Variants in NOL10 observed in about 807,000 individuals in gnomAD.
NOL10 encodes the protein nucleolar protein 10.
A neutral mutation model predicts 103.5 loss-of-function variants in NOL10; 58 were observed. The observed-to-expected ratio is 0.56, with a 90% CI of 0.45 to 0.70. NOL10 has a LOEUF of 0.70. Among genes scored for constraint, NOL10 ranks in the 30% least tolerant of loss-of-function variants. NOL10 has a pLI of 0.00. For synonymous variants in NOL10, 287 were observed against 282.5 expected (o/e 1.02, Z -0.16); for missense variants, 763 against 807.3 (o/e 0.95, Z 0.67).
chr2:10,603,187 T>G, intron 14 of NOL10, 30 bp from the exon 15 acceptor site: 1 of 1,518,952 alleles, frequency 6.6e-7, no homozygotes. Flanking sequence ...AGACAGCAGG[T>G]CCTTATGCAA....
intron 13 of NOL10, among the ~76,000 whole-genome samples, chr2:10,635,509 T>C (rs7587282): frequency 0.033 from 5,021 of 152,142 alleles, 289 homozygotes; most frequent in African/African-American, 0.12. Context: ...AATCTATATA[T>C]AATATCTACA....
chr2:10,586,200 T>C (rs1416519585), intron 19 of NOL10, among the ~76,000 whole-genome samples: 2 of 152,242 alleles, frequency 1.3e-5, no homozygotes, highest in Non-Finnish European at 2.9e-5. Flanking sequence ...ATTAAGGTGA[T>C]AGTTCCAGAA....
rs958537946 is a variant in NOL10 at position 10,653,622 on chromosome 2, G to A, written c.973+859C>T. Among the ~76,000 whole-genome samples the A allele has an allele frequency of 2.6e-5, 4 of 152,030 alleles. No homozygotes were observed. The East Asian group carries it at 5.8e-4, about 22-fold the overall frequency. Reference sequence around the variant, plus strand: ...TGCCTCCCACTTCAGCCTTCCCAGAGCCACCACAGCTCAGGCACAGGACAC... The same window carrying A: ...TGCCTCCCACTTCAGCCTTCCCAGAACCACCACAGCTCAGGCACAGGACAC... On this transcript the variant is annotated intron_variant, in intron 12 of 20. Coordinates refer to ENST00000381685, the MANE Select transcript of NOL10 (RefSeq NM_024894.4).
chr2:10,612,398 G>A (rs996613204), intron 13 of NOL10, among the ~76,000 whole-genome samples: 4 of 152,136 alleles, frequency 2.6e-5, no homozygotes, highest in Non-Finnish European at 5.9e-5. Flanking sequence ...ATGCTACTGA[G>A]TATGACAAAG....
chr2:10,579,827 T>C (rs1448768373), intron 19 of NOL10, among the ~76,000 whole-genome samples: 2 of 152,142 alleles, frequency 1.3e-5, no homozygotes, highest in African/African-American at 2.4e-5. Context: ...ATGGAACCAC[T>C]GAGAGAAGAT....
chr2:10,638,293 A>ATAACGTAACG (rs756403082), intron 13 of NOL10, among the ~76,000 whole-genome samples: 9 of 130,854 alleles, frequency 6.9e-5, no homozygotes, highest in African/African-American at 2.4e-4. Context: ...TCATTCAAAA[A>ATAACGTAACG]TAACGTAACG....
chr2:10,685,548 C>G (rs1293968582), intron 1 of NOL10, among the ~76,000 whole-genome samples: 2 of 135,850 alleles, frequency 1.5e-5, no homozygotes, highest in South Asian at 2.3e-4. Flanking sequence ...CACTAGAAAA[C>G]TAACGAAAAT....
chr2:10,638,335 A>AACGTAACGTAACGTGACGTG (rs1678435932), intron 13 of NOL10, among the ~76,000 whole-genome samples: 1 of 119,294 alleles, frequency 8.4e-6, no homozygotes, highest in Non-Finnish European at 1.7e-5. Context: ...GACGTGACGT[A>AACGTAACGTAACGTGACGTG]ACGTAACGTA....
At chr2:10,643,879 T>G (rs1678879984) in intron 13 of NOL10, among the ~76,000 whole-genome samples, 1 of 152,198 alleles carries the variant, frequency 6.6e-6, no homozygotes, top group African/African-American at 2.4e-5. Flanking sequence ...GAAAGCAAAT[T>G]CAACCCAAAA....
chr2:10,657,707 T>TA, intron 11 of NOL10, 35 bp downstream of exon 11: 1 of 1,532,358 alleles, frequency 6.5e-7, no homozygotes, highest in Non-Finnish European at 8.8e-7. Context: ...CACCTGCAAA[T>TA]AAAGAAGCAA....
At position 10,649,166 on chromosome 2, in the gene NOL10, C is replaced by T. The variant is rs183502294; in HGVS notation, c.974-4794G>A. On this transcript the variant is annotated intron_variant, in intron 12 of 20. Coordinates refer to ENST00000381685, the MANE Select transcript of NOL10 (RefSeq NM_024894.4). ...TGCCACCATGTCTGCAGCTGGCTTT[C>T]GAGTGATTCCACAAAGAAACCACAA... 1.7e-4 allele frequency among the ~76,000 whole-genome samples: 26 copies of T among 151,992 alleles called. No individual in the cohort carries two copies. In the East Asian group the frequency reaches 1.9e-3, roughly 11 times the overall value.
chr2:10,596,092 T>G (rs1244576283), intron 17 of NOL10, among the ~76,000 whole-genome samples: 3 of 152,100 alleles, frequency 2.0e-5, no homozygotes, highest in African/African-American at 7.2e-5. Context: ...GATGAGGTAT[T>G]ACTTTAATAT....
Position 10,588,939 on chromosome 2 carries a change from T to G in NOL10, c.1844+104A>C, listed in dbSNP as rs962750220. On this transcript the variant is annotated intron_variant, in intron 19 of 20. Transcript: ENST00000381685. The stretch of plus-strand genomic sequence containing the variant: ...CCTCGTCCCCTCCACCCTCTGCACC[T>G]CCATCATCCAAAGACAGAAATGTCA... 15 of 1,497,396 alleles carry G rather than the reference T, an allele frequency of 1.0e-5. No individual in the cohort carries two copies. The East Asian group carries it at 2.9e-4, about 29-fold the overall frequency. The allele number at this position is 1,497,396 out of a possible 1,614,324, so 92.8% of individuals were successfully genotyped here.
rs1276792862 is a variant in NOL10 at position 10,623,310 on chromosome 2, G to A, written c.1027-15999C>T. Among the ~76,000 whole-genome samples the A allele has an allele frequency of 5.3e-5, 8 of 152,136 alleles. No individual in the cohort carries two copies. The South Asian group carries it at 8.3e-4, about 16-fold the overall frequency. Reference sequence around the variant, plus strand: ...CAGTATCTCCCATTCCTTAAGAGCCGCTGAAAAACCCAAGCTCTTCCCAAA... The same window carrying A: ...CAGTATCTCCCATTCCTTAAGAGCCACTGAAAAACCCAAGCTCTTCCCAAA... On this transcript the variant is annotated intron_variant, in intron 13 of 20. Transcript: ENST00000381685.
At chr2:10,659,902 A>C (rs370584215) in intron 9 of NOL10, among the ~76,000 whole-genome samples, 19 of 152,328 alleles carry the variant, frequency 1.2e-4, no homozygotes, top group African/African-American at 4.6e-4. Flanking sequence ...AGCTAAAATA[A>C]AAGACTAATC....
In NOL10 at chr2:10,600,880, C is replaced by A; in HGVS notation, c.1395G>T (p.Gln465His). Residue 465 changes from glutamine (Q) to histidine (H), a missense_variant, in exon 17 of 21, where the codon CAG (glutamine) becomes CAT (histidine). Coordinates refer to ENST00000381685, the MANE Select transcript of NOL10 (RefSeq NM_024894.4). ...LKLIEEEEEK[Q>H]KSTWKKKVKS... ...TAACTTTCTTTTTCCATGTAGATTT[C>A]TGCTTCTCCTCTTCTTCCTCAATTA... The A allele has an allele frequency of 6.4e-7, 1 of 1,556,130 alleles. No individual in the cohort carries two copies. The highest frequency in any genetic ancestry group is 2.4e-5 in the East Asian group (1 of 42,034).
intron 3 of NOL10, among the ~76,000 whole-genome samples, chr2:10,680,325 AGGG>A (rs1161426991): frequency 4.7e-5 from 3 of 64,130 alleles, no homozygotes; most frequent in African/African-American, 6.8e-5. Flanking sequence ...GAGGGAGAAG[AGGG>A]AGAGGGAGAA....
chr2:10,595,597 TGTTTTTG>T (rs1675642354), intron 17 of NOL10, among the ~76,000 whole-genome samples: 1 of 133,922 alleles, frequency 7.5e-6, no homozygotes, highest in South Asian at 2.3e-4. Context: ...TGTTTTGTTT[TGTTTTTG>T]TTTGTTTGTT....
chr2:10,575,390 A>C (rs1674403848), intron 20 of NOL10, among the ~76,000 whole-genome samples: 1 of 152,200 alleles, frequency 6.6e-6, no homozygotes, highest in Admixed American at 6.5e-5. Context: ...CAACTGCCCG[A>C]ATAAGTAAAG....
Sources: allele counts gnomAD v4.1 joint callset (sites outside exome capture counted in the v4.1 genomes callset), GRCh38; gene constraint gnomAD v4.1.1; transcripts MANE v1.5; gene names NCBI Gene and HGNC (gene_info 2026-07-23, HGNC 2026-07-21).